PTPRN2: variants seen among roughly 807,000 people sequenced by gnomAD.
PTPRN2 encodes protein tyrosine phosphatase receptor type N2.
A neutral mutation model predicts 118.8 loss-of-function variants in PTPRN2; 74 were observed. The observed-to-expected ratio is 0.62, with a 90% CI of 0.52 to 0.76. PTPRN2 has a LOEUF of 0.76. PTPRN2 is among the 30% of genes least tolerant of loss of function. PTPRN2 has a pLI of 0.00. For synonymous variants in PTPRN2, 641 were observed against 608.0 expected (o/e 1.05, Z -0.80); for missense variants, 1,481 against 1,394.4 (o/e 1.06, Z -0.99).
chr7:158,432,752 T>C (rs1816313957), intron 2 of PTPRN2, among the ~76,000 whole-genome samples: 1 of 152,076 alleles, frequency 6.6e-6, no homozygotes, highest in African/African-American at 2.4e-5. Flanking sequence ...CAAGGCCAGC[T>C]CAGAACAGAT....
At chr7:157,979,655 G>A (rs955321975) in intron 11 of PTPRN2, among the ~76,000 whole-genome samples, 5 of 152,178 alleles carry the variant, frequency 3.3e-5, no homozygotes, top group Non-Finnish European at 5.9e-5. Context: ...CGCTGCCTCC[G>A]GTTCCTTTAT....
intron 13 of PTPRN2, among the ~76,000 whole-genome samples, chr7:157,682,012 T>C (rs959402552): frequency 6.6e-6 from 1 of 152,244 alleles, no homozygotes; most frequent in African/African-American, 2.4e-5. Flanking sequence ...CTGGTGTAAG[T>C]ATTCTGGGCT....
In PTPRN2 at chr7:157,928,722, G is replaced by C. The variant is rs1290640661; in HGVS notation, c.1724-29985C>G. ...GGCGGGATAGGGGTGGGGTGGGGAG[G>C]GGGGCAGAGGGTGGAAGATGAGAGG... On this transcript the variant is annotated intron_variant, in intron 11 of 22. Transcript: ENST00000389418. Among the ~76,000 whole-genome samples the C allele has an allele frequency of 2.0e-5, 3 of 150,930 alleles. No homozygotes were observed. In the East Asian group the frequency reaches 5.9e-4, roughly 30 times the overall value.
At chr7:158,148,529 G>T (rs111445599) in intron 6 of PTPRN2, among the ~76,000 whole-genome samples, 748 of 34,858 alleles carry the variant, frequency 0.021, no homozygotes, top group Admixed American at 0.028. Context: ...CCCATCTCAC[G>T]CCACAGGTCT....
chr7:158,375,120 G>A (rs1354646639), intron 2 of PTPRN2, among the ~76,000 whole-genome samples: 1 of 152,178 alleles, frequency 6.6e-6, no homozygotes, highest in Non-Finnish European at 1.5e-5. Context: ...TCACGTGGCA[G>A]TGAGACCCTA....
chr7:158,263,056 T>C (rs1044880019), intron 3 of PTPRN2, among the ~76,000 whole-genome samples: 4 of 141,650 alleles, frequency 2.8e-5, no homozygotes, highest in Non-Finnish European at 6.1e-5. Flanking sequence ...ACATATACAT[T>C]CACATTGCAC....
At chr7:158,579,043 G>T (rs1038666662) in intron 1 of PTPRN2, among the ~76,000 whole-genome samples, 3 of 152,152 alleles carry the variant, frequency 2.0e-5, no homozygotes, top group Non-Finnish European at 4.4e-5. Context: ...GATTACAGGC[G>T]TGAGCCACTG....
chr7:157,976,187 G>T (rs112795089), intron 11 of PTPRN2, among the ~76,000 whole-genome samples: 1 of 152,226 alleles, frequency 6.6e-6, no homozygotes, highest in South Asian at 2.1e-4. Flanking sequence ...TTCCCATCGC[G>T]TTATCAGCAA....
At chr7:158,325,504 G>A (rs372490821) in intron 2 of PTPRN2, among the ~76,000 whole-genome samples, 19 of 152,278 alleles carry the variant, frequency 1.2e-4, no homozygotes, top group South Asian at 8.3e-4. Context: ...ACCACAATGC[G>A]CATACCTATT....
At chr7:158,123,243 T>C (rs1394059639) in intron 9 of PTPRN2, among the ~76,000 whole-genome samples, 1 of 152,168 alleles carries the variant, frequency 6.6e-6, no homozygotes, top group Admixed American at 6.5e-5. Context: ...TATAAAGTAG[T>C]TAAAATGTTT....
chr7:158,258,115 C>T (rs12698189), intron 3 of PTPRN2, among the ~76,000 whole-genome samples: 18,049 of 152,270 alleles, frequency 0.12, 1,232 homozygotes, highest in African/African-American at 0.18. Context: ...GAACTAATCT[C>T]CAAGCGGGCA....
At chr7:157,795,941 C>G (rs11978611) in intron 12 of PTPRN2, among the ~76,000 whole-genome samples, 16,714 of 152,332 alleles carry the variant, frequency 0.11, 1,054 homozygotes, top group South Asian at 0.21. Context: ...AAGGCCACAC[C>G]TGATCACCGT....
Position 157,609,405 on chromosome 7 carries a change from TA to T in PTPRN2, c.2345-5331del, listed in dbSNP as rs201378289. 1.9e-4 allele frequency among the ~76,000 whole-genome samples: 28 copies of T among 150,826 alleles called. No individual in the cohort carries two copies. Among genetic ancestry groups the T allele is most frequent in the African/African-American group, 4.9e-4 (20 of 41,074 alleles). On this transcript the variant is annotated intron_variant, in intron 15 of 22. Transcript: ENST00000389418. This position sits in a 1 kb window ranked among gnomAD's most constrained non-coding sequence, Gnocchi z 4.9. ...TCTCAAAAAAATTTTTTTTTAAATA[TA>T]AAAAAAAAGAGTATTTCAAATTTCT...
At chr7:157,672,170 C>G (rs1796450132) in intron 13 of PTPRN2, among the ~76,000 whole-genome samples, 1 of 152,072 alleles carries the variant, frequency 6.6e-6, no homozygotes, top group African/African-American at 2.4e-5. Context: ...AAAACCCCCC[C>G]TGGAGAAGCG....
rs552574053 is a variant in PTPRN2, at chr7:157,574,816, C to T, written c.2783+1797G>A. Reference sequence around the variant, plus strand: ...AAAACCAGCCACCGGCAATGCTTGTCTAAGTGTGAAGCTTTCTGAGAATGT... The same window carrying T: ...AAAACCAGCCACCGGCAATGCTTGTTTAAGTGTGAAGCTTTCTGAGAATGT... On this transcript the variant is annotated intron_variant, in intron 19 of 22. Transcript: ENST00000389418. Among the ~76,000 whole-genome samples the T allele has an allele frequency of 6.6e-5, 10 of 152,348 alleles. 1 individual carries two copies. The South Asian group carries it at 2.1e-3, about 32-fold the overall frequency.
intron 21 of PTPRN2, among the ~76,000 whole-genome samples, chr7:157,557,366 G>T (rs896861980): frequency 1.3e-5 from 2 of 151,584 alleles, no homozygotes; most frequent in Admixed American, 1.3e-4. Context: ...CTACATTCAG[G>T]ATCACACACA....
At chr7:157,682,693 G>A (rs1338172547) in intron 13 of PTPRN2, 32 bp downstream of exon 13, 4 of 1,575,912 alleles carry the variant, frequency 2.5e-6, no homozygotes, top group Non-Finnish European at 3.5e-6. Flanking sequence ...AGATAAATCC[G>A]ATATACCACT....
At chr7:157,669,333 GAC>G (rs1160038876) in intron 13 of PTPRN2, among the ~76,000 whole-genome samples, 1 of 152,220 alleles carries the variant, frequency 6.6e-6, no homozygotes, top group East Asian at 1.9e-4. Flanking sequence ...CTGCTCTGGT[GAC>G]ACAGTCCCAC....
intron 1 of PTPRN2, among the ~76,000 whole-genome samples, chr7:158,564,985 G>A (rs372455422): frequency 6.6e-6 from 1 of 152,060 alleles, no homozygotes; most frequent in Non-Finnish European, 1.5e-5. Flanking sequence ...GAGACCCTGC[G>A]CAGGCCCTGC....
Sources: gnomAD v4.1 joint callset for allele counts (sites outside exome capture counted in the v4.1 genomes callset) on GRCh38, gnomAD v4.1.1 for gene constraint, Gnocchi (gnomAD v3.1) non-coding constraint, MANE v1.5 for transcripts, NCBI Gene and HGNC (gene_info 2026-07-23, HGNC 2026-07-21) for gene names.